MAP2K5: variants seen among roughly 807,000 people sequenced by gnomAD.
MAP2K5 encodes dual specificity mitogen-activated protein kinase kinase 5.
A neutral mutation model predicts 83.1 loss-of-function variants in MAP2K5; 49 were observed. The ratio of observed to expected loss-of-function variants is 0.59; its 90% CI spans 0.47 to 0.75. The LOEUF is 0.75. Among genes scored for constraint, MAP2K5 ranks in the 30% least tolerant of loss-of-function variants. MAP2K5 has a pLI of 0.00. For synonymous variants in MAP2K5, 202 were observed against 191.8 expected (o/e 1.05, Z -0.44); for missense variants, 457 against 557.5 (o/e 0.82, Z 1.82).
At chr15:67,596,030 A>G (rs979079112) in intron 7 of MAP2K5, among the ~76,000 whole-genome samples, 2 of 146,152 alleles carry the variant, frequency 1.4e-5, no homozygotes, top group Non-Finnish European at 3.0e-5. Context: ...GTATTTTCCT[A>G]TTCCTGATAA....
At chr15:67,692,380 C>A in intron 13 of MAP2K5, 99 bp from the exon 14 acceptor site, 3 of 743,984 alleles carry the variant, frequency 4.0e-6, no homozygotes, top group Non-Finnish European at 6.9e-6. Flanking sequence ...CAGATGATGT[C>A]ATTTCTGCAA....
intron 13 of MAP2K5, among the ~76,000 whole-genome samples, chr15:67,691,863 G>GA (rs1386338370): frequency 1.3e-5 from 2 of 152,130 alleles, no homozygotes; most frequent in African/African-American, 4.8e-5. Flanking sequence ...ATGAAACAAA[G>GA]ACTAATAAGC....
At position 67,705,008 on chromosome 15, in the gene MAP2K5, T is replaced by C. The variant is rs143718221; in HGVS notation, c.1044+1600T>C. Among the ~76,000 whole-genome samples the C allele has an allele frequency of 2.7e-3, 418 of 152,318 alleles. 2 individuals carry two copies. Among genetic ancestry groups the C allele is most frequent in the Non-Finnish European group, 4.9e-3 (332 of 68,030 alleles). On this transcript the variant is annotated intron_variant, in intron 16 of 21. Coordinates refer to ENST00000178640, the MANE Select transcript of MAP2K5 (RefSeq NM_145160.3). ...TCTTCACTGGGCCTCAGTTTCTTCA[T>C]TTGTAAAATATTGATCTCTAAGCCC...
At position 67,757,796 on chromosome 15, in the gene MAP2K5, AATG is replaced by A. The variant is rs139798818; in HGVS notation, c.1134+9199_1134+9201del. On this transcript the variant is annotated intron_variant, in intron 19 of 21. Coordinates refer to ENST00000178640, the MANE Select transcript of MAP2K5 (RefSeq NM_145160.3). The surrounding 1 kb of genome is among the most constrained non-coding windows in gnomAD (Gnocchi z 4.9). ...AATGGGTATTTACGATATGGTATTTAATGATGTTTGTAGCCATATAAATTCTAT... is the reference window on the plus strand; with the variant it reads ...AATGGGTATTTACGATATGGTATTTAATGTTTGTAGCCATATAAATTCTAT... Among the ~76,000 whole-genome samples the A allele has an allele frequency of 1.3e-5, 2 of 152,310 alleles. No individual in the cohort carries two copies. Among genetic ancestry groups the A allele is most frequent in the Non-Finnish European group, 2.9e-5 (2 of 68,028 alleles).
intron 7 of MAP2K5, among the ~76,000 whole-genome samples, chr15:67,600,184 C>G (rs2085624203): frequency 6.6e-6 from 1 of 152,144 alleles, no homozygotes; most frequent in Non-Finnish European, 1.5e-5. Context: ...AAAGCTATAT[C>G]TACTCTAGGA....
chr15:67,777,479 C>G lies in MAP2K5; in HGVS notation c.1242+4727C>G, dbSNP rs776072242. Among the ~76,000 whole-genome samples the G allele has an allele frequency of 3.2e-4, 48 of 152,198 alleles. No homozygotes were observed. Among genetic ancestry groups the G allele is most frequent in the Non-Finnish European group, 5.6e-4 (38 of 68,038 alleles). ...CTTTATCTAGGCCACTTTATTATCT[C>G]ATGCTGATCTGATTCCCATTCTCCC... On this transcript the variant is annotated intron_variant, in intron 21 of 21. Transcript: ENST00000178640. The surrounding 1 kb of genome is among the most constrained non-coding windows in gnomAD (Gnocchi z 6.0).
intron 16 of MAP2K5, among the ~76,000 whole-genome samples, chr15:67,723,387 A>G (rs1486036436): frequency 6.6e-6 from 1 of 152,232 alleles, no homozygotes; most frequent in Non-Finnish European, 1.5e-5. Context: ...GTCAAAGGTC[A>G]ATAAGATGAC....
chr15:67,684,071 G>A (rs963586610), intron 13 of MAP2K5, among the ~76,000 whole-genome samples: 4 of 152,150 alleles, frequency 2.6e-5, no homozygotes, highest in Non-Finnish European at 1.5e-5. Context: ...ACAGAACAGA[G>A]TCCTAGAAAG....
chr15:67,670,663 C>A (rs568838154), intron 13 of MAP2K5, among the ~76,000 whole-genome samples: 1 of 151,932 alleles, frequency 6.6e-6, no homozygotes, highest in East Asian at 1.9e-4. Context: ...CCTGACAAAT[C>A]CTACCTAGGT....
intron 21 of MAP2K5, among the ~76,000 whole-genome samples, chr15:67,791,525 A>G (rs762634320): frequency 9.2e-5 from 14 of 152,232 alleles, no homozygotes; most frequent in Non-Finnish European, 1.9e-4. Context: ...ACTAATGTAA[A>G]TGAAAGCACC....
intron 9 of MAP2K5, among the ~76,000 whole-genome samples, chr15:67,632,275 T>C (rs2086492737): frequency 6.6e-6 from 1 of 152,064 alleles, no homozygotes; most frequent in Non-Finnish European, 1.5e-5. Flanking sequence ...ATTTTCTTTA[T>C]TTTTTGTAGA....
Position 67,749,985 on chromosome 15 carries a change from G to A in MAP2K5, c.1134+1384G>A, listed in dbSNP as rs948821303. 1.3e-5 allele frequency among the ~76,000 whole-genome samples: 2 copies of A among 152,138 alleles called. No individual in the cohort carries two copies. The highest frequency in any genetic ancestry group is 2.9e-5 in the Non-Finnish European group (2 of 68,020). On this transcript the variant is annotated intron_variant, in intron 19 of 21. Coordinates refer to ENST00000178640, the MANE Select transcript of MAP2K5 (RefSeq NM_145160.3). This position sits in a 1 kb window ranked among gnomAD's most constrained non-coding sequence, Gnocchi z 4.6. ...TAGGCATCAGAACATCCAGGTAAAG[G>A]CATTCCTCACCAATACTATGTGTGT...
At chr15:67,634,449 A>C (rs374228851) in intron 9 of MAP2K5, among the ~76,000 whole-genome samples, 124 of 147,066 alleles carry the variant, frequency 8.4e-4, no homozygotes, top group African/African-American at 3.0e-3. Context: ...TATAATGTCA[A>C]TTAGATCAAG....
At chr15:67,597,083 G>A (rs925674406) in intron 7 of MAP2K5, among the ~76,000 whole-genome samples, 2 of 151,676 alleles carry the variant, frequency 1.3e-5, no homozygotes, top group Admixed American at 6.6e-5. Context: ...GCAGGAGAAT[G>A]GCGTGAACCC....
intron 21 of MAP2K5, among the ~76,000 whole-genome samples, chr15:67,776,871 C>A (rs1012758943): frequency 1.3e-5 from 2 of 152,178 alleles, no homozygotes. Context: ...CTCCCCATCC[C>A]CTCTCCACTT....
At chr15:67,784,598 G>A (rs2090384944) in intron 21 of MAP2K5, among the ~76,000 whole-genome samples, 1 of 152,206 alleles carries the variant, frequency 6.6e-6, no homozygotes, top group Non-Finnish European at 1.5e-5. Context: ...TGAAGCCTGA[G>A]CCTCAGTAGA....
At chr15:67,796,377 G>A (rs185180511) in intron 21 of MAP2K5, among the ~76,000 whole-genome samples, 32 of 152,326 alleles carry the variant, frequency 2.1e-4, no homozygotes, top group Admixed American at 3.3e-4. Flanking sequence ...ATGGCTCAGG[G>A]CATCTGCTCA....
intron 2 of MAP2K5, among the ~76,000 whole-genome samples, chr15:67,560,126 G>A (rs1764418818): frequency 6.6e-6 from 1 of 152,232 alleles, no homozygotes; most frequent in South Asian, 2.1e-4. Context: ...AATTTGCTTA[G>A]TATGTATTTC....
chr15:67,776,555 A>G (rs993282456), intron 21 of MAP2K5, among the ~76,000 whole-genome samples: 1 of 152,238 alleles, frequency 6.6e-6, no homozygotes, highest in East Asian at 1.9e-4. Flanking sequence ...TTAAATGTCA[A>G]TAATCAAATG....
Sources: allele counts gnomAD v4.1 joint callset (sites outside exome capture counted in the v4.1 genomes callset), GRCh38; gene constraint gnomAD v4.1.1; non-coding constraint Gnocchi (gnomAD v3.1); transcripts MANE v1.5; gene names NCBI Gene and HGNC (gene_info 2026-07-23, HGNC 2026-07-21).